The following TDRD1 variants were observed in gnomAD, a reference collection of about 807,000 sequenced individuals.
TDRD1 encodes the protein tudor domain containing 1, also known as tudor domain-containing protein 1.
A neutral mutation model predicts 140.6 loss-of-function variants in TDRD1; 37 were observed. That is an observed-to-expected ratio of 0.26 (90% CI 0.20 to 0.35). The LOEUF (loss-of-function observed/expected upper bound fraction) is 0.35, where lower values mean the gene tolerates loss of function less well. Ranked by LOEUF, TDRD1 falls within the 10% of genes least tolerant of loss-of-function variation. The pLI is 1.00. For synonymous variants in TDRD1, 506 were observed against 475.7 expected, an observed-to-expected ratio of 1.06 and a Z score of -0.83; for missense variants, 1,243 against 1,393.0, an observed-to-expected ratio of 0.89 and a Z score of 1.71.
At chr10:114,174,940 G>A (rs529287778), upstream of TDRD1, among the ~76,000 whole-genome samples, 22 of 152,254 alleles carry the variant, frequency 1.4e-4, no homozygotes, top group African/African-American at 5.1e-4. Context: ...TCCTCAGTCC[G>A]GGGAAACGAT....
chr10:114,219,613 G>A (rs988638681), intron 18 of TDRD1, among the ~76,000 whole-genome samples: 2 of 146,642 alleles, frequency 1.4e-5, no homozygotes, highest in Non-Finnish European at 3.0e-5. Context: ...TTGAGATGGG[G>A]TTTCACTGTT....
exon 26 of TDRD1, chr10:114,231,941 T>TAA (rs11316882): frequency 3.2e-4 from 44 of 138,542 alleles, no homozygotes; most frequent in African/African-American, 9.0e-4. Flanking sequence ...GATTTTGTCT[T>TAA]AAAAAAAAAA....
chr10:114,218,051 A>G (rs76242202), intron 17 of TDRD1, among the ~76,000 whole-genome samples: 2,897 of 152,286 alleles, frequency 0.019, 99 homozygotes, highest in African/African-American at 0.067. Context: ...TTTACCACAT[A>G]ACAAGTAAAA....
intron 15 of TDRD1, 95 bp from the exon 16 acceptor site, chr10:114,213,882 G>A: frequency 8.8e-7 from 1 of 1,140,334 alleles, no homozygotes; most frequent in South Asian, 1.4e-5. Context: ...AAAGTCAGTG[G>A]AAATTCAGTT....
At chr10:114,225,232 T>C (rs1366981899) in intron 21 of TDRD1, among the ~76,000 whole-genome samples, 2 of 152,248 alleles carry the variant, frequency 1.3e-5, no homozygotes, top group Non-Finnish European at 2.9e-5. Context: ...CACCATTCTC[T>C]TTAGCAACTT....
At chr10:114,229,359 A>G (rs1326592055) in intron 25 of TDRD1, among the ~76,000 whole-genome samples, 1 of 152,204 alleles carries the variant, frequency 6.6e-6, no homozygotes, top group Non-Finnish European at 1.5e-5. Flanking sequence ...TCATGTGGTA[A>G]TAGACCGTTT....
In TDRD1 at chr10:114,188,054, CAA is replaced by C; in HGVS notation, c.224_225del (p.Gln75LeufsTer4). 1 of 1,614,082 alleles carries C rather than the reference CAA, an allele frequency of 6.2e-7. No individual in the cohort carries two copies. The highest frequency in any genetic ancestry group is 8.5e-7 in the Non-Finnish European group (1 of 1,180,008). On this transcript the variant is annotated frameshift_variant, in exon 2 of 26. Coordinates refer to ENST00000251864, the Ensembl canonical transcript of TDRD1. LOFTEE classifies it high-confidence loss of function. ...TTTTTTGCTTTGTGAGCAAACCAAA[CAA>C]TATTTGGCTAGTCAGGAAGACAATT...
chr10:114,211,997 T>C (rs1380071270), exon 14 of TDRD1: 2 of 1,611,618 alleles, frequency 1.2e-6, no homozygotes, highest in Non-Finnish European at 1.7e-6. Context: ...CCCAAAGTTG[T>C]TGGAATTGCC....
At chr10:114,188,140 G>C (rs760053745) in exon 2 of TDRD1, 1 of 1,576,612 alleles carries the variant, frequency 6.3e-7, no homozygotes, top group South Asian at 1.2e-5. Context: ...AAGGAGACAG[G>C]AAAAAATTGC....
At chr10:114,221,216 A>G in intron 19 of TDRD1, 141 bp from the exon 20 acceptor site, 1 of 958,972 alleles carries the variant, frequency 1.0e-6, no homozygotes, top group African/African-American at 1.7e-5. Flanking sequence ...GTTTTGTGAA[A>G]AAATACAGAT....
At chr10:114,213,869 TA>T in intron 15 of TDRD1, 107 bp from the exon 16 acceptor site, 1 of 999,704 alleles carries the variant, frequency 1.0e-6, no homozygotes, top group East Asian at 2.5e-5. Context: ...TAAAGGCACT[TA>T]AAAAGTCAGT....
chr10:114,201,302 A>G (rs1201898177), intron 4 of TDRD1, 108 bp from the exon 5 acceptor site: 1 of 849,324 alleles, frequency 1.2e-6, no homozygotes, highest in Non-Finnish European at 1.9e-6. Flanking sequence ...CCTGATCCTA[A>G]ATAGCACAAT....
chr10:114,220,510 T>C (rs1019696593), intron 18 of TDRD1, 58 bp from the exon 19 acceptor site: 13 of 1,380,062 alleles, frequency 9.4e-6, no homozygotes, highest in Non-Finnish European at 1.1e-5. Context: ...TGGGTACTAC[T>C]AAAGCAAAAA....
At chr10:114,189,576 A>T (rs1278520455) in intron 2 of TDRD1, among the ~76,000 whole-genome samples, 1 of 152,102 alleles carries the variant, frequency 6.6e-6, no homozygotes, top group East Asian at 1.9e-4. Context: ...GAGATGCATG[A>T]TGATATTAAC....
At chr10:114,199,276 C>T (rs1432825610) in exon 4 of TDRD1, 1 of 1,613,694 alleles carries the variant, frequency 6.2e-7, no homozygotes, top group South Asian at 1.1e-5. Flanking sequence ...TCCTTAGGAC[C>T]TCCTCTTCGG....
chr10:114,222,090 G>A (rs994027301), intron 20 of TDRD1, among the ~76,000 whole-genome samples: 17 of 152,124 alleles, frequency 1.1e-4, no homozygotes, highest in Non-Finnish European at 2.4e-4. Context: ...TTCAAAGTTA[G>A]AACTGTGGTA....
chr10:114,218,556 C>G, exon 18 of TDRD1: 2 of 1,609,370 alleles, frequency 1.2e-6, no homozygotes, highest in Non-Finnish European at 1.7e-6. Context: ...TAAACCTTCC[C>G]TTTCAGGGAA....
chr10:114,203,624 A>G, intron 8 of TDRD1, 57 bp downstream of exon 8: 3 of 1,463,758 alleles, frequency 2.0e-6, no homozygotes, highest in Non-Finnish European at 2.8e-6. Context: ...GGTCGTATGA[A>G]CTGAACACCA....
Position 114,229,911 on chromosome 10 carries a change from A to G in TDRD1, c.3539-1575A>G, listed in dbSNP as rs548961096. Among the ~76,000 whole-genome samples, 102 of 151,200 alleles carry G rather than the reference A, an allele frequency of 6.7e-4. 1 individual carries two copies. The highest frequency in any genetic ancestry group is 2.4e-3 in the African/African-American group (97 of 41,100). On this transcript the variant is annotated intron_variant, in intron 25 of 25. Transcript: ENST00000251864. Reference sequence around the variant, plus strand: ...AGTGGCGCTATCTCAGCTCACTACAACCTCCGCCTCCCGGGTTCATGCCAT... The same window carrying G: ...AGTGGCGCTATCTCAGCTCACTACAGCCTCCGCCTCCCGGGTTCATGCCAT...
Sources: gnomAD v4.1 joint callset for allele counts (sites outside exome capture counted in the v4.1 genomes callset) on GRCh38, gnomAD v4.1.1 for gene constraint, MANE v1.5 for transcripts, NCBI Gene and HGNC (gene_info 2026-07-23, HGNC 2026-07-21) for gene names.